LRP2: variants seen among roughly 807,000 people sequenced by gnomAD.
The protein encoded by LRP2 is low-density lipoprotein receptor-related protein 2.
Under a neutral mutation model 531.0 loss-of-function variants are expected in LRP2, and 172 were observed. The ratio of observed to expected loss-of-function variants is 0.32; its 90% CI spans 0.29 to 0.37. LRP2 has a LOEUF of 0.37. LRP2 is among the 10% of genes least tolerant of loss of function. The probability of loss-of-function intolerance (pLI) is 1.00; values close to 1 mark genes in which losing one functional copy is unlikely to be tolerated. For synonymous variants in LRP2, 1,992 were observed against 2,027.6 expected, an observed-to-expected ratio of 0.98 and a Z score of 0.47; for missense variants, 5,167 against 5,868.3, an observed-to-expected ratio of 0.88 and a Z score of 3.90.
At chr2:169,302,101 T>G (rs1292389908) in intron 4 of LRP2, among the ~76,000 whole-genome samples, 1 of 152,108 alleles carries the variant, frequency 6.6e-6, no homozygotes, top group Admixed American at 6.6e-5. Context: ...AGTAATGATT[T>G]CCATGCATCG....
intron 1 of LRP2, among the ~76,000 whole-genome samples, chr2:169,335,133 C>G (rs1207958811): frequency 6.6e-6 from 1 of 152,200 alleles, no homozygotes; most frequent in Non-Finnish European, 1.5e-5. Flanking sequence ...GAGTCAAAAG[C>G]AAGCTTGCTC....
At chr2:169,205,402 T>C (rs1688341396) in intron 41 of LRP2, 77 bp downstream of exon 41, 4 of 1,495,252 alleles carry the variant, frequency 2.7e-6, no homozygotes, top group Non-Finnish European at 3.7e-6. Context: ...TTTCATCACA[T>C]GATGCAAATC....
chr2:169,150,575 G>C (rs949004359), intron 68 of LRP2, among the ~76,000 whole-genome samples: 1 of 152,076 alleles, frequency 6.6e-6, no homozygotes, highest in Admixed American at 6.6e-5. Flanking sequence ...CCAAATGAAA[G>C]GAAAAACAAT....
Position 169,213,721 on chromosome 2 carries a change from G to A in LRP2, c.5976C>T (p.Ala1992=), listed in dbSNP as rs1688678464. ...VIERVDKATG[A]NKIVLRDNVP... is the part of the protein sequence containing the mutation. ...CATTATCTCTCAAGACTATTTTGTT[G>A]GCCCCAGTGGCCTTATCAACTCTTT... Residue 1992 remains alanine, a synonymous_variant, in exon 36 of 79, where the codon GCC becomes GCT. Transcript: ENST00000649046. 1 of 1,613,704 alleles carries A rather than the reference G, an allele frequency of 6.2e-7. No individual in the cohort carries two copies. Among genetic ancestry groups the A allele is most frequent in the South Asian group, 1.1e-5 (1 of 91,070 alleles).
chr2:169,204,311 A>C, intron 41 of LRP2, 40 bp from the exon 42 acceptor site: 1 of 1,592,780 alleles, frequency 6.3e-7, no homozygotes, highest in Non-Finnish European at 8.5e-7. Flanking sequence ...TTGAAATCTC[A>C]AGTGAGTTAA....
intron 16 of LRP2, among the ~76,000 whole-genome samples, chr2:169,264,326 A>G (rs976205391): frequency 6.6e-6 from 1 of 152,046 alleles, no homozygotes. Flanking sequence ...CAAAAATACT[A>G]TGAGAATTCC....
chr2:169,194,557 T>C (rs192493338), intron 46 of LRP2, among the ~76,000 whole-genome samples: 61 of 152,264 alleles, frequency 4.0e-4, no homozygotes, highest in Middle Eastern at 3.4e-3. Flanking sequence ...ATTTAACTAA[T>C]GAAGGTGTCA....
At chr2:169,338,364 G>GAAAGAAAGAA (rs1337225502) in intron 1 of LRP2, among the ~76,000 whole-genome samples, 16 of 82,808 alleles carry the variant, frequency 1.9e-4, no homozygotes, top group African/African-American at 8.5e-4. Context: ...AAGAAGGAAA[G>GAAAGAAAGAA]AAAGAAAGAA....
intron 77 of LRP2, among the ~76,000 whole-genome samples, chr2:169,130,658 A>G (rs2105324875): frequency 6.6e-6 from 1 of 152,302 alleles, no homozygotes; most frequent in Non-Finnish European, 1.5e-5. Flanking sequence ...GGCATATTCA[A>G]ATCAACCTAG....
rs1685674439 is a variant in LRP2 at position 169,140,380 on chromosome 2, C to T, written c.13199+75G>A. ...CTGGTGAGGTTCCTGTATTTGTTTTCCTGGCTACTTTAAGGTCTCAAATTT... is the reference window on the plus strand; with the variant it reads ...CTGGTGAGGTTCCTGTATTTGTTTTTCTGGCTACTTTAAGGTCTCAAATTT... On this transcript the variant is annotated intron_variant, in intron 72 of 78. Transcript: ENST00000649046. 7.8e-6 allele frequency: 9 copies of T among 1,157,124 alleles called. No individual in the cohort carries two copies. In the South Asian group the frequency reaches 1.0e-4, roughly 13 times the overall value. The allele number at this position is 1,157,124 out of a possible 1,614,324, so 71.7% of individuals were successfully genotyped here. A position where few individuals can be genotyped will look rare whatever the true frequency, so the allele number is the denominator to read the frequency against.
chr2:169,292,837 A>C (rs1357689490), intron 6 of LRP2, among the ~76,000 whole-genome samples: 2 of 4,966 alleles, frequency 4.0e-4, no homozygotes, highest in East Asian at 1.8e-3. Flanking sequence ...TGTCTCAAAA[A>C]AAAAAAAAAA....
At chr2:169,337,916 G>A (rs1685449521) in intron 1 of LRP2, among the ~76,000 whole-genome samples, 1 of 152,078 alleles carries the variant, frequency 6.6e-6, no homozygotes, top group Non-Finnish European at 1.5e-5. Flanking sequence ...AGACCACCCT[G>A]GGCAACATAG....
intron 12 of LRP2, among the ~76,000 whole-genome samples, chr2:169,279,046 T>G (rs1368116373): frequency 1.3e-5 from 2 of 152,198 alleles, no homozygotes; most frequent in Non-Finnish European, 2.9e-5. Context: ...GTAATAATAT[T>G]ATTAGATTGA....
chr2:169,191,778 C>A, intron 48 of LRP2, 54 bp downstream of exon 48: 2 of 1,528,320 alleles, frequency 1.3e-6, no homozygotes, highest in Non-Finnish European at 1.8e-6. Flanking sequence ...TAAGTGAGCC[C>A]AGCCCCCATG....
chr2:169,244,589 CAATGAAAATTGCATGAGCCTTAG>C lies in LRP2; in HGVS notation c.3430+81_3430+103del, dbSNP rs1465530596. Reference sequence around the variant, plus strand: ...AAGTGGAATAGAAGTACTAAAGAGACAATGAAAATTGCATGAGCCTTAGAGGAAAGAATGCAAGGCCATTTGGT... The same window carrying C: ...AAGTGGAATAGAAGTACTAAAGAGACAGGAAAGAATGCAAGGCCATTTGGT... On this transcript the variant is annotated intron_variant, in intron 22 of 78. Transcript: ENST00000649046. The C allele has an allele frequency of 4.1e-6, 6 of 1,450,824 alleles. No individual in the cohort carries two copies. In the Admixed American group the frequency reaches 1.0e-4, roughly 24 times the overall value. The allele number at this position is 1,450,824 out of a possible 1,614,324, so 89.9% of individuals were successfully genotyped here.
In LRP2 at chr2:169,146,940, A is replaced by G; in HGVS notation, c.12610T>C (p.Trp4204Arg). 6.2e-7 allele frequency: 1 copy of G among 1,612,988 alleles called. No individual in the cohort carries two copies. Among genetic ancestry groups the G allele is most frequent in the Non-Finnish European group, 8.5e-7 (1 of 1,179,382 alleles). Residue 4204 changes from tryptophan (W) to arginine (R), a missense_variant, in exon 69 of 79, where the codon TGG (tryptophan) becomes CGG (arginine). Physicochemically the swap from Trp to Arg is moderately radical, Grantham distance 101. Coordinates refer to ENST00000649046, the MANE Select transcript of LRP2 (RefSeq NM_004525.3). ...GACTCGATTTTAGGTTCCTTTCCCCAGTCAGTCCAGAACATAAGCCTATAA... is the reference window on the plus strand; with the variant it reads ...GACTCGATTTTAGGTTCCTTTCCCCGGTCAGTCCAGAACATAAGCCTATAA... ...PKLGLMFWTD[W>R]GKEPKIESAW...
chr2:169,175,739 T>C (rs1320328044), intron 54 of LRP2, among the ~76,000 whole-genome samples: 1 of 152,128 alleles, frequency 6.6e-6, no homozygotes, highest in African/African-American at 2.4e-5. Flanking sequence ...GATATAAAAG[T>C]ATTGTTTGGG....
At chr2:169,173,027 ATC>A in intron 57 of LRP2, 67 bp downstream of exon 57, 1 of 1,586,006 alleles carries the variant, frequency 6.3e-7, no homozygotes, top group Non-Finnish European at 8.6e-7. Context: ...CTCATCTCTC[ATC>A]TAATAAATGG....
intron 66 of LRP2, 104 bp downstream of exon 66, chr2:169,154,356 G>A (rs536255199): frequency 1.8e-6 from 2 of 1,091,458 alleles, no homozygotes; most frequent in Non-Finnish European, 2.8e-6. Flanking sequence ...CTCCACTAAT[G>A]CAACAAAATT....
Sources: allele counts gnomAD v4.1 joint callset (sites outside exome capture counted in the v4.1 genomes callset), GRCh38; gene constraint gnomAD v4.1.1; transcripts MANE v1.5; gene names NCBI Gene and HGNC (gene_info 2026-07-23, HGNC 2026-07-21).